The following CDH4 variants were observed in gnomAD, a reference collection of about 807,000 sequenced individuals.
The protein encoded by CDH4 is cadherin-4.
Under a neutral mutation model 86.0 loss-of-function variants are expected in CDH4, and 33 were observed. The ratio of observed to expected loss-of-function variants is 0.38; its 90% CI spans 0.29 to 0.51. CDH4 has a LOEUF of 0.51. Ranked by LOEUF, CDH4 falls within the 20% of genes least tolerant of loss-of-function variation. The pLI is 0.86. For missense variants in CDH4, 1,114 were observed against 1,307.4 expected (o/e 0.85, Z 2.28); for synonymous variants, 555 against 549.4 (o/e 1.01, Z -0.14).
intron 2 of CDH4, among the ~76,000 whole-genome samples, chr20:61,454,054 A>G (rs958267746): frequency 2.0e-5 from 3 of 152,192 alleles, no homozygotes; most frequent in Non-Finnish European, 4.4e-5. Context: ...TCTTTCTTTT[A>G]TAAATTACCC....
chr20:61,899,092 C>G (rs1462460863), intron 8 of CDH4, among the ~76,000 whole-genome samples: 1 of 151,966 alleles, frequency 6.6e-6, no homozygotes, highest in East Asian at 1.9e-4. Context: ...GTCCGGAGTT[C>G]AAGACCAGCC....
chr20:61,686,480 CGTGTGTGTGCATTCGCGTGTGTGTAT>C (rs1221049667), intron 2 of CDH4, among the ~76,000 whole-genome samples: 4 of 135,910 alleles, frequency 2.9e-5, no homozygotes, highest in South Asian at 2.4e-4. Flanking sequence ...TGTATATGTG[CGTGTGTGTGCATTCGCGTGTGTGTAT>C]ATGTGTGTGC....
intron 7 of CDH4, among the ~76,000 whole-genome samples, chr20:61,893,031 GGATA>G (rs1461691313): frequency 2.1e-5 from 3 of 146,106 alleles, no homozygotes; most frequent in African/African-American, 5.1e-5. Context: ...GAGGGTGGAT[GGATA>G]GATGGATGGG....
At chr20:61,597,170 A>G (rs2086562557) in intron 2 of CDH4, among the ~76,000 whole-genome samples, 1 of 152,218 alleles carries the variant, frequency 6.6e-6, no homozygotes, top group African/African-American at 2.4e-5. Flanking sequence ...AACAGAAGGA[A>G]ACATTAAGTA....
At chr20:61,728,327 G>C (rs1252878545) in intron 2 of CDH4, among the ~76,000 whole-genome samples, 1 of 152,346 alleles carries the variant, frequency 6.6e-6, no homozygotes, top group South Asian at 2.1e-4. Flanking sequence ...GAGCAGGGTG[G>C]TGGAAGATCA....
intron 2 of CDH4, among the ~76,000 whole-genome samples, chr20:61,740,173 A>G (rs6061782): frequency 0.064 from 9,791 of 152,292 alleles, 438 homozygotes; most frequent in South Asian, 0.17. Context: ...TAGAAAAGCC[A>G]GCTACGGTAC....
intron 3 of CDH4, among the ~76,000 whole-genome samples, chr20:61,749,983 C>T (rs1300723108): frequency 1.3e-5 from 2 of 152,106 alleles, no homozygotes; most frequent in African/African-American, 4.8e-5. Flanking sequence ...ATTGCTCGAA[C>T]CCAGGGGACA....
chr20:61,778,869 T>C (rs1978382484), intron 4 of CDH4, among the ~76,000 whole-genome samples: 1 of 152,206 alleles, frequency 6.6e-6, no homozygotes. Context: ...ATTCTGGCTC[T>C]GGACTGGACA....
chr20:61,853,939 C>G (rs577329495), intron 6 of CDH4, among the ~76,000 whole-genome samples: 21 of 152,262 alleles, frequency 1.4e-4, no homozygotes, highest in African/African-American at 4.6e-4. Flanking sequence ...GTACAAGACA[C>G]CAAGTAAATG....
In CDH4 at chr20:61,262,948, A is replaced by G. The variant is rs527393527; in HGVS notation, c.169+8011A>G. ...TTGAAAGCTGGGTTAAGTAGATGCC[A>G]GGACTAATCATGAACTGAGAGAGAG... On this transcript the variant is annotated intron_variant, in intron 2 of 15. Transcript: ENST00000614565. Among the ~76,000 whole-genome samples, 8 of 131,284 alleles carry G rather than the reference A, an allele frequency of 6.1e-5. No individual in the cohort carries two copies. In the East Asian group the frequency reaches 1.8e-3, roughly 30 times the overall value. The allele number at this position is 131,284 out of a possible 152,430, so 86.1% of individuals were successfully genotyped here.
intron 2 of CDH4, among the ~76,000 whole-genome samples, chr20:61,259,128 C>T (rs1484095600): frequency 1.3e-5 from 2 of 152,194 alleles, no homozygotes; most frequent in Admixed American, 6.5e-5. Context: ...CAGTGCTGTA[C>T]CCGAAGCAGA....
chr20:61,680,591 A>T (rs1246883669), intron 2 of CDH4, among the ~76,000 whole-genome samples: 1 of 152,172 alleles, frequency 6.6e-6, no homozygotes, highest in African/African-American at 2.4e-5. Flanking sequence ...AAACACAAAG[A>T]GCCGAGCATC....
At chr20:61,588,546 C>A (rs2086495258) in intron 2 of CDH4, among the ~76,000 whole-genome samples, 1 of 152,222 alleles carries the variant, frequency 6.6e-6, no homozygotes, top group Non-Finnish European at 1.5e-5. Context: ...GCCAATGACT[C>A]ATTCCCCGCT....
chr20:61,553,683 G>C (rs1433745941), intron 2 of CDH4, among the ~76,000 whole-genome samples: 1 of 152,168 alleles, frequency 6.6e-6, no homozygotes, highest in African/African-American at 2.4e-5. Context: ...CATCTCAGTT[G>C]CTCCACAGTC....
rs192525760 is a variant in CDH4 at position 61,398,443 on chromosome 20, C to G, written c.169+143506C>G. Reference sequence around the variant, plus strand: ...GGATGTGTATACACAGAGGAGATTTCTTTTAAGGACTAGGCCCCAAGGGCA... The same window carrying G: ...GGATGTGTATACACAGAGGAGATTTGTTTTAAGGACTAGGCCCCAAGGGCA... On this transcript the variant is annotated intron_variant, in intron 2 of 15. Coordinates refer to ENST00000614565, the MANE Select transcript of CDH4 (RefSeq NM_001794.5). Among the ~76,000 whole-genome samples, 11 of 152,338 alleles carry G rather than the reference C, an allele frequency of 7.2e-5. No homozygotes were observed. In the East Asian group the frequency reaches 1.9e-3, roughly 27 times the overall value.
At chr20:61,858,545 G>T (rs886789330) in intron 6 of CDH4, among the ~76,000 whole-genome samples, 11 of 152,140 alleles carry the variant, frequency 7.2e-5, no homozygotes, top group African/African-American at 2.2e-4. Flanking sequence ...GTCTGTGTGT[G>T]TGTCTGTGTC....
intron 2 of CDH4, among the ~76,000 whole-genome samples, chr20:61,471,765 A>C (rs1190725126): frequency 6.6e-6 from 1 of 151,954 alleles, no homozygotes; most frequent in Admixed American, 6.6e-5. Context: ...TTCATTGCCC[A>C]CTGGAGCATT....
chr20:61,642,113 A>C (rs2087017118), intron 2 of CDH4, among the ~76,000 whole-genome samples: 1 of 152,266 alleles, frequency 6.6e-6, no homozygotes, highest in African/African-American at 2.4e-5. Context: ...CGTGATATTT[A>C]GCAGCCTCTG....
At chr20:61,771,093 C>T (rs1393933316) in intron 3 of CDH4, among the ~76,000 whole-genome samples, 1 of 150,092 alleles carries the variant, frequency 6.7e-6, no homozygotes. Context: ...TCACTGCAAC[C>T]TCCACCTCCC....
Sources: gnomAD v4.1 joint callset for allele counts (sites outside exome capture counted in the v4.1 genomes callset) on GRCh38, gnomAD v4.1.1 for gene constraint, MANE v1.5 for transcripts, NCBI Gene and HGNC (gene_info 2026-07-23, HGNC 2026-07-21) for gene names.